The following SLC9A9 variants were observed in gnomAD, a reference collection of about 807,000 sequenced individuals.
SLC9A9 encodes the protein solute carrier family 9 member A9.
SLC9A9 carries 62 observed loss-of-function variants against 77.8 expected under a neutral mutation model. That is an observed-to-expected ratio of 0.80 (90% CI 0.65 to 0.98). The LOEUF (loss-of-function observed/expected upper bound fraction) is 0.98, where lower values mean the gene tolerates loss of function less well. SLC9A9 is among the 50% of genes least tolerant of loss of function. The probability of loss-of-function intolerance (pLI) is 0.00; values close to 1 mark genes in which losing one functional copy is unlikely to be tolerated. For synonymous variants in SLC9A9, 320 were observed against 283.5 expected, an observed-to-expected ratio of 1.13 and a Z score of -1.29; for missense variants, 775 against 774.9, an observed-to-expected ratio of 1.00 and a Z score of 0.00.
intron 6 of SLC9A9, among the ~76,000 whole-genome samples, chr3:143,621,726 A>G (rs2038216581): frequency 6.6e-6 from 1 of 152,244 alleles, no homozygotes; most frequent in African/African-American, 2.4e-5. Flanking sequence ...CTCCAAAGGA[A>G]CTCAGCTCCT....
intron 9 of SLC9A9, among the ~76,000 whole-genome samples, chr3:143,506,071 G>A (rs574853444): frequency 7.9e-5 from 12 of 152,182 alleles, no homozygotes; most frequent in Non-Finnish European, 1.6e-4. Context: ...GTTAAGAATA[G>A]CTTCTCATGT....
chr3:143,409,219 T>C (rs2034046111), intron 12 of SLC9A9, among the ~76,000 whole-genome samples: 1 of 152,232 alleles, frequency 6.6e-6, no homozygotes, highest in South Asian at 2.1e-4. Context: ...CTGTAAATAG[T>C]GTAATATCCT....
At chr3:143,458,652 C>T (rs1383640731) in intron 12 of SLC9A9, among the ~76,000 whole-genome samples, 2 of 152,022 alleles carry the variant, frequency 1.3e-5, no homozygotes, top group African/African-American at 2.4e-5. Context: ...TTTTACAATA[C>T]ATTTTGAATT....
chr3:143,610,833 C>T (rs1325330680), intron 6 of SLC9A9, among the ~76,000 whole-genome samples: 1 of 152,182 alleles, frequency 6.6e-6, no homozygotes, highest in East Asian at 1.9e-4. Flanking sequence ...GGCCAGATTT[C>T]TTAGTTATCC....
At chr3:143,750,908 G>T (rs1411568499) in intron 4 of SLC9A9, among the ~76,000 whole-genome samples, 1 of 152,034 alleles carries the variant, frequency 6.6e-6, no homozygotes, top group Non-Finnish European at 1.5e-5. Context: ...CAACTGTATG[G>T]GGCAGTAGAT....
At chr3:143,733,891 T>C (rs376306859) in intron 4 of SLC9A9, among the ~76,000 whole-genome samples, 1 of 152,026 alleles carries the variant, frequency 6.6e-6, no homozygotes, top group East Asian at 1.9e-4. Context: ...TGAGGATAAC[T>C]CGAATTGACT....
intron 14 of SLC9A9, among the ~76,000 whole-genome samples, chr3:143,349,341 T>C (rs2032387263): frequency 6.6e-6 from 1 of 152,192 alleles, no homozygotes. Flanking sequence ...GGAAGCTCTT[T>C]TCTTTGGACA....
intron 11 of SLC9A9, among the ~76,000 whole-genome samples, chr3:143,485,904 T>TA (rs1310864455): frequency 2.6e-5 from 4 of 151,178 alleles, no homozygotes; most frequent in Non-Finnish European, 5.9e-5. Context: ...AAAAAGGAAA[T>TA]ACCAATAAAG....
At chr3:143,315,973 G>A (rs1215688413) in intron 14 of SLC9A9, among the ~76,000 whole-genome samples, 1 of 152,212 alleles carries the variant, frequency 6.6e-6, no homozygotes, top group Non-Finnish European at 1.5e-5. Flanking sequence ...GGGAGATGGT[G>A]ACACCAAAGT....
intron 4 of SLC9A9, among the ~76,000 whole-genome samples, chr3:143,696,323 C>G (rs1046753307): frequency 4.6e-5 from 7 of 152,188 alleles, no homozygotes; most frequent in South Asian, 2.1e-4. Flanking sequence ...AACTTTTGTA[C>G]AAGGTGCTTC....
At chr3:143,332,422 T>C (rs141721591) in intron 14 of SLC9A9, among the ~76,000 whole-genome samples, 1 of 152,354 alleles carries the variant, frequency 6.6e-6, no homozygotes, top group East Asian at 1.9e-4. Context: ...TGTCATTCTC[T>C]ATACTGATTT....
chr3:143,560,649 T>A (rs190077165), intron 8 of SLC9A9, among the ~76,000 whole-genome samples: 2 of 151,704 alleles, frequency 1.3e-5, no homozygotes, highest in Non-Finnish European at 2.9e-5. Context: ...ATCCCAACAA[T>A]ATTGGAATGT....
chr3:143,277,194 C>G (rs1371395971), intron 14 of SLC9A9, among the ~76,000 whole-genome samples: 1 of 152,126 alleles, frequency 6.6e-6, no homozygotes, highest in Non-Finnish European at 1.5e-5. Flanking sequence ...AAACAAGGGG[C>G]CATATTGGAA....
chr3:143,295,967 CCTTTT>C (rs2030246917), intron 14 of SLC9A9, among the ~76,000 whole-genome samples: 1 of 152,148 alleles, frequency 6.6e-6, no homozygotes, highest in Admixed American at 6.5e-5. Context: ...TTTCCTGCTT[CCTTTT>C]CTTATCACTC....
intron 9 of SLC9A9, among the ~76,000 whole-genome samples, chr3:143,516,461 T>C (rs2036204330): frequency 6.6e-6 from 1 of 152,206 alleles, no homozygotes. Flanking sequence ...AAGTCTCTTG[T>C]GCCTTTTAAC....
chr3:143,647,143 C>T (rs993540650), intron 6 of SLC9A9, among the ~76,000 whole-genome samples: 8 of 152,122 alleles, frequency 5.3e-5, no homozygotes, highest in East Asian at 3.9e-4. Context: ...ATGTTTAATC[C>T]CATCCTGTGA....
chr3:143,650,200 A>G (rs1324830452), intron 6 of SLC9A9, among the ~76,000 whole-genome samples: 2 of 152,138 alleles, frequency 1.3e-5, no homozygotes, highest in African/African-American at 4.8e-5. Flanking sequence ...GTGTGAAGAG[A>G]AAGAAAAATG....
chr3:143,608,445 T>C (rs531637699), intron 6 of SLC9A9, among the ~76,000 whole-genome samples: 6 of 152,336 alleles, frequency 3.9e-5, no homozygotes, highest in African/African-American at 1.4e-4. Flanking sequence ...TTTAGTTTGC[T>C]AACTTGCAAG....
chr3:143,796,098 G>A (rs192912025), intron 3 of SLC9A9, among the ~76,000 whole-genome samples: 5 of 152,292 alleles, frequency 3.3e-5, no homozygotes, highest in Non-Finnish European at 5.9e-5. Context: ...CAAAAACCAC[G>A]TGGGCTGGAG....
Sources: gnomAD v4.1 joint callset for allele counts (sites outside exome capture counted in the v4.1 genomes callset) on GRCh38, gnomAD v4.1.1 for gene constraint, MANE v1.5 for transcripts, NCBI Gene and HGNC (gene_info 2026-07-23, HGNC 2026-07-21) for gene names.